The following OPRM1 variants were observed in gnomAD, a reference collection of about 807,000 sequenced individuals.
The protein encoded by OPRM1 is opioid receptor mu 1, also known as mu-type opioid receptor.
OPRM1 carries 27 observed loss-of-function variants against 31.8 expected under a neutral mutation model. The ratio of observed to expected loss-of-function variants is 0.85; its 90% CI spans 0.63 to 1.17. The LOEUF is 1.17. Among genes scored for constraint, OPRM1 ranks in the 50% most tolerant of loss-of-function variants. OPRM1 has a pLI of 0.00. For synonymous variants in OPRM1, 196 were observed against 189.9 expected, an observed-to-expected ratio of 1.03 and a Z score of -0.26; for missense variants, 536 against 511.1, an observed-to-expected ratio of 1.05 and a Z score of -0.47.
Position 154,128,007 on chromosome 6 carries a change from C to A in OPRM1, c.*9286C>A, listed in dbSNP as rs1388833264. Among the ~76,000 whole-genome samples the A allele has an allele frequency of 6.6e-6, 1 of 152,162 alleles. No homozygotes were observed. Among genetic ancestry groups the A allele is most frequent in the Non-Finnish European group, 1.5e-5 (1 of 68,030 alleles). ...CAAGGGACCAGAGAAAACCAATAGG[C>A]CTACTCCCCAGCTGAGTACTTTCCA... On this transcript the variant is annotated 3_prime_UTR_variant, in exon 4 of 4. Transcript: ENST00000330432.
downstream of OPRM1, among the ~76,000 whole-genome samples, chr6:154,134,324 G>T (rs573181882): frequency 6.6e-6 from 1 of 152,200 alleles, no homozygotes; most frequent in Non-Finnish European, 1.5e-5. Flanking sequence ...ATGGGATAGA[G>T]TAAACAAAGC....
intron 1 of OPRM1, among the ~76,000 whole-genome samples, chr6:154,018,286 G>T (rs1778129440): frequency 6.6e-6 from 1 of 152,044 alleles, no homozygotes; most frequent in Non-Finnish European, 1.5e-5. Flanking sequence ...CAGGCATGGT[G>T]GCTCTCACCT....
At position 154,128,546 on chromosome 6, in the gene OPRM1, G is replaced by A. The variant is rs1797714715; in HGVS notation, c.*9825G>A. ...ATGTGCACATGCATATTAAAATATG[G>A]GCACCTCTTTTAATTCTTTTTTTTC... On this transcript the variant is annotated 3_prime_UTR_variant, in exon 4 of 4. Transcript: ENST00000330432. 6.6e-6 allele frequency among the ~76,000 whole-genome samples: 1 copy of A among 152,102 alleles called. No individual in the cohort carries two copies. Among genetic ancestry groups the A allele is most frequent in the Non-Finnish European group, 1.5e-5 (1 of 68,018 alleles).
At chr6:154,035,223 G>A (rs541578159), upstream of OPRM1, among the ~76,000 whole-genome samples, 32 of 152,138 alleles carry the variant, frequency 2.1e-4, no homozygotes, top group South Asian at 6.2e-3. Flanking sequence ...TTAATCAAAA[G>A]TCCGGGGCTT....
At chr6:154,077,592 G>A (rs1390724170) in intron 1 of OPRM1, among the ~76,000 whole-genome samples, 2 of 151,788 alleles carry the variant, frequency 1.3e-5, no homozygotes, top group South Asian at 2.1e-4. Context: ...TTATCCAGGC[G>A]TGGTGGCACA....
chr6:154,133,234 C>T (rs1440248440), downstream of OPRM1, among the ~76,000 whole-genome samples: 1 of 152,080 alleles, frequency 6.6e-6, no homozygotes, highest in Non-Finnish European at 1.5e-5. Context: ...AAGCTATGTC[C>T]CTATATGTAA....
At chr6:154,082,214 T>C (rs1789324838) in intron 1 of OPRM1, among the ~76,000 whole-genome samples, 1 of 152,222 alleles carries the variant, frequency 6.6e-6, no homozygotes, top group South Asian at 2.1e-4. Context: ...AGCCCTTATT[T>C]CTTTATTTAA....
chr6:154,225,291 T>C (rs563701221), intron 3 of OPRM1, among the ~76,000 whole-genome samples: 2 of 152,300 alleles, frequency 1.3e-5, no homozygotes, highest in African/African-American at 2.4e-5. Flanking sequence ...CAAATACATG[T>C]GCAGCCCTGT....
chr6:154,041,464 A>G (rs960252015), intron 1 of OPRM1, among the ~76,000 whole-genome samples: 1 of 152,170 alleles, frequency 6.6e-6, no homozygotes, highest in Non-Finnish European at 1.5e-5. Flanking sequence ...TATGTTTCTC[A>G]TTTTTTCTAA....
In OPRM1 at chr6:154,183,523, T is replaced by G. The variant is rs140298473; in HGVS notation, c.1165-63170T>G. Among the ~76,000 whole-genome samples, 407 of 152,340 alleles carry G rather than the reference T, an allele frequency of 2.7e-3. 2 individuals carry two copies. The highest frequency in any genetic ancestry group is 8.1e-3 in the African/African-American group (337 of 41,580). On this transcript the variant is annotated intron_variant, in intron 3 of 3. Coordinates refer to the OPRM1 transcript ENST00000337049. ...TAAATTCACAAGATTACCTGAATGA[T>G]AGTGCCAAGGAGAGGTGCGCTCTAT...
chr6:154,095,001 A>G (rs1335089014), intron 3 of OPRM1, among the ~76,000 whole-genome samples: 1 of 152,188 alleles, frequency 6.6e-6, no homozygotes, highest in Admixed American at 6.5e-5. Context: ...TTAAAAAGAA[A>G]GTACTTCTGG....
chr6:154,180,576 C>T (rs761656227), intron 3 of OPRM1, among the ~76,000 whole-genome samples: 22 of 152,066 alleles, frequency 1.4e-4, no homozygotes, highest in Non-Finnish European at 2.8e-4. Flanking sequence ...TCTGCTCTGA[C>T]AGCACAGGCA....
chr6:154,046,633 T>C (rs1336447006), intron 1 of OPRM1: 1 of 152,190 alleles, frequency 6.6e-6, no homozygotes, highest in Non-Finnish European at 1.5e-5. Flanking sequence ...AAGCAACTCC[T>C]TTCTTTACCC....
chr6:154,199,721 T>C (rs1776916631), intron 3 of OPRM1: 5 of 1,614,036 alleles, frequency 3.1e-6, no homozygotes, highest in Admixed American at 1.7e-5. Flanking sequence ...AAGATGGTCA[T>C]GATTGCTACT....
chr6:154,055,442 G>A (rs181016815), intron 1 of OPRM1, among the ~76,000 whole-genome samples: 25 of 151,794 alleles, frequency 1.6e-4, no homozygotes, highest in African/African-American at 6.0e-4. Context: ...AGTTTTATTA[G>A]CTCCTAATTT....
chr6:154,017,734 G>A (rs944406262), intron 1 of OPRM1, among the ~76,000 whole-genome samples: 2 of 152,156 alleles, frequency 1.3e-5, no homozygotes, highest in African/African-American at 4.8e-5. Flanking sequence ...TTTCATACAG[G>A]TGACCATGGT....
chr6:154,160,447 G>C (rs1160993905), intron 3 of OPRM1, among the ~76,000 whole-genome samples: 3 of 152,020 alleles, frequency 2.0e-5, no homozygotes, highest in Admixed American at 1.3e-4. Flanking sequence ...ACTTTACCTA[G>C]GACATATGGC....
chr6:154,220,913 A>G (rs747890709), intron 3 of OPRM1, among the ~76,000 whole-genome samples: 1 of 152,278 alleles, frequency 6.6e-6, no homozygotes, highest in Non-Finnish European at 1.5e-5. Flanking sequence ...AATATTTTGC[A>G]TGTAGAATTC....
intron 1 of OPRM1, among the ~76,000 whole-genome samples, chr6:154,044,308 T>C (rs972542423): frequency 6.6e-6 from 1 of 152,150 alleles, no homozygotes; most frequent in Non-Finnish European, 1.5e-5. Flanking sequence ...CACACATACA[T>C]AGTAAATGTT....
Sources: allele counts gnomAD v4.1 joint callset (sites outside exome capture counted in the v4.1 genomes callset), GRCh38; gene constraint gnomAD v4.1.1; transcripts MANE v1.5; gene names NCBI Gene and HGNC (gene_info 2026-07-23, HGNC 2026-07-21).